Variants in NUP58 observed in about 807,000 individuals in gnomAD.
The protein encoded by NUP58 is nucleoporin 58.
Under a neutral mutation model 70.1 loss-of-function variants are expected in NUP58, and 17 were observed. The observed-to-expected ratio is 0.24, with a 90% CI of 0.17 to 0.36. The LOEUF (loss-of-function observed/expected upper bound fraction) is 0.36, where lower values mean the gene tolerates loss of function less well. Ranked by LOEUF, NUP58 falls within the 10% of genes least tolerant of loss-of-function variation. The pLI, the probability that NUP58 is intolerant of heterozygous loss-of-function variation, is 1.00. For missense variants in NUP58, 644 were observed against 701.5 expected, an observed-to-expected ratio of 0.92 and a Z score of 0.93; for synonymous variants, 275 against 257.6, an observed-to-expected ratio of 1.07 and a Z score of -0.65.
At chr13:25,327,271 A>T (rs1333359584) in intron 11 of NUP58, among the ~76,000 whole-genome samples, 159 bp from the exon 12 acceptor site, 2 of 152,160 alleles carry the variant, frequency 1.3e-5, no homozygotes, top group East Asian at 3.8e-4. Context: ...GTAGACATTC[A>T]GTCTGCTACT....
At position 25,315,420 on chromosome 13, in the gene NUP58, A is replaced by G; in HGVS notation, c.638A>G (p.Asn213Ser). The G allele has an allele frequency of 6.2e-7, 1 of 1,613,264 alleles. No individual in the cohort carries two copies. ...ACAGCAGCTACTTCAACTGCAGGCA[A>G]TGAAGGCCTTGGTGGTATAGATTTC... ...GTTAATSTAG[N>S]EGLGGIDFSS... Residue 213 changes from asparagine (N) to serine (S), a missense_variant, in exon 6 of 16, where the codon AAT becomes AGT. By Grantham distance (46) the Asn-to-Ser change is conservative. Around this residue, in one of 4 missense-constraint regions of NUP58, gnomAD observed 430 missense variants for 409.2 expected, o/e 1.05. Coordinates refer to ENST00000381736, the MANE Select transcript of NUP58 (RefSeq NM_014089.4).
At chr13:25,335,884 C>G (rs905555277) in intron 13 of NUP58, 17 of 1,078,580 alleles carry the variant, frequency 1.6e-5, no homozygotes, top group Non-Finnish European at 1.8e-5. Context: ...AAAGACAATA[C>G]TGAAGATTGT....
At chr13:25,339,877 T>C in intron 15 of NUP58, 88 bp from the exon 16 acceptor site, 1 of 1,137,902 alleles carries the variant, frequency 8.8e-7, no homozygotes, top group Non-Finnish European at 1.2e-6. Flanking sequence ...TGTATTCTTT[T>C]AGATAGAAAT....
At chr13:25,309,972 C>G (rs2030569532) in intron 3 of NUP58, 2 of 389,520 alleles carry the variant, frequency 5.1e-6, no homozygotes, top group South Asian at 3.7e-5. Context: ...AACAACACAT[C>G]TGTTTATCAG....
At position 25,319,766 on chromosome 13, in the gene NUP58, A is replaced by G. The variant is rs77883687; in HGVS notation, c.710+416A>G. Among the ~76,000 whole-genome samples the G allele has an allele frequency of 5.4e-3, 817 of 152,206 alleles. 32 individuals are homozygous for G. In the East Asian group the frequency reaches 0.093, roughly 17 times the overall value. ...AGAATAGCCTCCATATACATCATAT[A>G]TATGTTTGAAGATGGTCATTCTTCT... On this transcript the variant is annotated intron_variant, in intron 7 of 15. Transcript: ENST00000381736.
rs138805170 is a variant in NUP58 at position 25,334,650 on chromosome 13, A to G, written c.1436-2286A>G. 1.3e-3 allele frequency: 1,273 copies of G among 981,026 alleles called. 14 individuals carry two copies. In the African/African-American group the frequency reaches 0.021, roughly 16 times the overall value. The allele number at this position is 981,026 out of a possible 1,614,324, so 60.8% of individuals were successfully genotyped here. A position where few individuals can be genotyped will look rare whatever the true frequency, so the allele number is the denominator to read the frequency against. On this transcript the variant is annotated intron_variant, in intron 13 of 15. Transcript: ENST00000381736. ...TATTTTAAAATGTGACTTAGAAATA[A>G]CCATACTAATTACATTAGGCATTTG...
chr13:25,316,993 T>G (rs1027840379), intron 6 of NUP58, among the ~76,000 whole-genome samples: 1 of 152,224 alleles, frequency 6.6e-6, no homozygotes, highest in Admixed American at 6.5e-5. Flanking sequence ...GATTACTACA[T>G]CCCAGTTCCC....
At chr13:25,329,955 A>T (rs1313065295) in intron 12 of NUP58, among the ~76,000 whole-genome samples, 1 of 152,024 alleles carries the variant, frequency 6.6e-6, no homozygotes, top group East Asian at 1.9e-4. Context: ...CAGCCTCTTG[A>T]GTAGCTAGGA....
chr13:25,307,861 A>T lies in NUP58; in HGVS notation c.163A>T (p.Thr55Ser). 4 of 1,614,174 alleles carry T rather than the reference A, an allele frequency of 2.5e-6. No homozygotes were observed. The highest frequency in any genetic ancestry group is 3.4e-6 in the Non-Finnish European group (4 of 1,180,012). ...TCTTGGAAGTACTTCAACTCCAGCA[A>T]CTACATCTGCTCCTTCAAGTGGTTT... is the stretch of plus-strand genomic sequence containing the variant. ...GNLGSTSTPATTSAPSSGFGT... is the reference protein window; with the variant it reads ...GNLGSTSTPASTSAPSSGFGT... The change falls in exon 2 of 16, where the codon ACT becomes TCT. Residue 55 changes from threonine (T) to serine (S), a missense_variant. Coordinates refer to ENST00000381736, the MANE Select transcript of NUP58 (RefSeq NM_014089.4).
At chr13:25,310,073 T>TC in intron 3 of NUP58, 1 of 360,796 alleles carries the variant, frequency 2.8e-6, no homozygotes, top group Non-Finnish European at 5.5e-6. Context: ...GACAGGTTCT[T>TC]CCTCTGTTGC....
downstream of NUP58, among the ~76,000 whole-genome samples, chr13:25,344,249 T>G (rs940580882): frequency 2.6e-5 from 4 of 152,304 alleles, no homozygotes; most frequent in South Asian, 2.1e-4. Context: ...TCCTGAGAGA[T>G]ATGTCTAGTC....
chr13:25,335,267 T>C (rs1035239841), intron 13 of NUP58: 3 of 985,310 alleles, frequency 3.0e-6, no homozygotes, highest in African/African-American at 1.7e-5. Flanking sequence ...AAAAATCTTA[T>C]GTTCTGTTGC....
rs773311020 is a variant in NUP58 at position 25,309,490 on chromosome 13, CAG to C, written c.286+210_286+211del. The C allele has an allele frequency of 6.0e-5, 26 of 430,522 alleles. No homozygotes were observed. The East Asian group carries it at 9.4e-4, about 16-fold the overall frequency. The allele number at this position is 430,522 out of a possible 1,614,324, so 26.7% of individuals were successfully genotyped here. A position where few individuals can be genotyped will look rare whatever the true frequency, so the allele number is the denominator to read the frequency against. On this transcript the variant is annotated intron_variant, in intron 3 of 15. Coordinates refer to ENST00000381736, the MANE Select transcript of NUP58 (RefSeq NM_014089.4). ...GACTTCGTAGAGTACTTTTATAATT[CAG>C]AAAAGTATTTTAAATGCAGAAATTG...
At chr13:25,334,485 C>T (rs1315243180) in intron 13 of NUP58, 2 of 984,954 alleles carry the variant, frequency 2.0e-6, no homozygotes, top group South Asian at 4.7e-5. Flanking sequence ...AAATAGGAAA[C>T]ATTAAGTATT....
intron 6 of NUP58, among the ~76,000 whole-genome samples, chr13:25,318,690 T>C (rs1481588938): frequency 6.6e-6 from 1 of 152,196 alleles, no homozygotes; most frequent in Non-Finnish European, 1.5e-5. Context: ...CTAAGAATTA[T>C]TATGAAGTGG....
downstream of NUP58, among the ~76,000 whole-genome samples, chr13:25,342,772 T>C (rs1028290043): frequency 6.6e-6 from 1 of 152,138 alleles, no homozygotes; most frequent in Non-Finnish European, 1.5e-5. Flanking sequence ...GTTACTTCTC[T>C]TTTCTTTTTC....
intron 15 of NUP58, 35 bp downstream of exon 15, chr13:25,338,766 T>A: frequency 6.6e-7 from 1 of 1,514,216 alleles, no homozygotes; most frequent in Non-Finnish European, 9.2e-7. Context: ...CAGGCAAATT[T>A]AAAGGTGTAA....
intron 3 of NUP58, among the ~76,000 whole-genome samples, chr13:25,310,470 T>G (rs944962965): frequency 2.6e-5 from 4 of 151,402 alleles, no homozygotes; most frequent in East Asian, 3.9e-4. Flanking sequence ...TCCACCCGCC[T>G]TGGCCTTCCG....
downstream of NUP58, among the ~76,000 whole-genome samples, chr13:25,347,196 C>CAA (rs2032060798): frequency 6.6e-6 from 1 of 152,120 alleles, no homozygotes; most frequent in African/African-American, 2.4e-5. Flanking sequence ...TGTTGGCACT[C>CAA]AAGTTTCAGA....
Sources: allele counts gnomAD v4.1 joint callset (sites outside exome capture counted in the v4.1 genomes callset), GRCh38; gene constraint gnomAD v4.1.1; regional missense constraint gnomAD v4.1.1; transcripts MANE v1.5; gene names NCBI Gene and HGNC (gene_info 2026-07-23, HGNC 2026-07-21).